Variants in KCNQ5 observed in about 807,000 individuals in gnomAD.
The protein encoded by KCNQ5 is potassium voltage-gated channel subfamily Q member 5.
KCNQ5 carries 30 observed loss-of-function variants against 98.2 expected under a neutral mutation model. The observed-to-expected ratio is 0.31, with a 90% CI of 0.23 to 0.41. The LOEUF (loss-of-function observed/expected upper bound fraction) is 0.41. Among genes scored for constraint, KCNQ5 ranks in the 10% least tolerant of loss-of-function variants. The pLI is 1.00. For synonymous variants in KCNQ5, 458 were observed against 449.4 expected (o/e 1.02, Z -0.24); for missense variants, 835 against 1,182.5 (o/e 0.71, Z 4.31).
intron 1 of KCNQ5, among the ~76,000 whole-genome samples, chr6:72,696,805 A>G (rs1331559587): frequency 6.6e-6 from 1 of 152,176 alleles, no homozygotes; most frequent in African/African-American, 2.4e-5. Flanking sequence ...ACTATATGAA[A>G]TTTATTTTTT....
At chr6:73,067,286 CT>C (rs1451489589) in intron 3 of KCNQ5, among the ~76,000 whole-genome samples, 2 of 152,066 alleles carry the variant, frequency 1.3e-5, no homozygotes, top group Non-Finnish European at 1.5e-5. Flanking sequence ...AGCTAAATGA[CT>C]TTGGATAAGA....
At position 73,192,717 on chromosome 6, in the gene KCNQ5, T is replaced by C. The variant is rs1480396167; in HGVS notation, c.1836+26T>C. On this transcript the variant is annotated intron_variant, in intron 13 of 13. Coordinates refer to ENST00000370398, the MANE Select transcript of KCNQ5 (RefSeq NM_019842.4). The stretch of plus-strand genomic sequence containing the variant: ...GTACAACTCAACTACGCTGGGTATC[T>C]TTTTAGCCAGAATTTTTTTAATCAA... The C allele has an allele frequency of 3.3e-6, 5 of 1,516,056 alleles. No homozygotes were observed. The South Asian group carries it at 4.1e-5, about 12-fold the overall frequency. The allele number at this position is 1,516,056 out of a possible 1,614,324, so 93.9% of individuals were successfully genotyped here.
In KCNQ5 at chr6:72,831,739, AAT is replaced by A. The variant is rs1491175953; in HGVS notation, c.399-172167_399-172166del. Among the ~76,000 whole-genome samples the A allele has an allele frequency of 7.5e-4, 98 of 130,998 alleles. 1 individual carries two copies. The highest frequency in any genetic ancestry group is 3.7e-3 in the Middle Eastern group (1 of 268). The allele number at this position is 130,998 out of a possible 152,430, so 85.9% of individuals were successfully genotyped here. A position where few individuals can be genotyped will look rare whatever the true frequency, so the allele number is the denominator to read the frequency against. ...AACTTAAAGTATAATTTAAAAAAAAAATAAAATAAAATTAACAGAAAAAAAAA... is the reference window on the plus strand; with the variant it reads ...AACTTAAAGTATAATTTAAAAAAAAAAAAATAAAATTAACAGAAAAAAAAA... On this transcript the variant is annotated intron_variant, in intron 1 of 13. Transcript: ENST00000370398.
intron 1 of KCNQ5, among the ~76,000 whole-genome samples, chr6:72,823,637 G>A (rs190804754): frequency 1.2e-3 from 184 of 152,188 alleles, no homozygotes; most frequent in Non-Finnish European, 2.3e-3. Flanking sequence ...GGGCTCACTC[G>A]GGTTCCTGAC....
At chr6:73,053,136 A>G (rs965749865) in intron 3 of KCNQ5, among the ~76,000 whole-genome samples, 5 of 152,224 alleles carry the variant, frequency 3.3e-5, no homozygotes, top group African/African-American at 9.6e-5. Flanking sequence ...AACAAAAATC[A>G]AAAAAGATAA....
chr6:72,786,728 C>T (rs577378273), intron 1 of KCNQ5, among the ~76,000 whole-genome samples: 6 of 152,246 alleles, frequency 3.9e-5, no homozygotes, highest in East Asian at 3.9e-4. Context: ...AATCCTGGGC[C>T]GGGCGCGGTG....
intron 1 of KCNQ5, among the ~76,000 whole-genome samples, chr6:72,935,064 CTTTTTTT>C (rs59215198): frequency 4.0e-5 from 4 of 99,226 alleles, no homozygotes; most frequent in Admixed American, 1.2e-4. Flanking sequence ...CTTGTTCTAT[CTTTTTTT>C]TTTTTTTTTT....
chr6:72,910,925 T>G (rs1779917568), intron 1 of KCNQ5, among the ~76,000 whole-genome samples: 2 of 152,084 alleles, frequency 1.3e-5, no homozygotes, highest in Non-Finnish European at 2.9e-5. Context: ...TTTTAGACAC[T>G]TGCAAGGGAG....
intron 1 of KCNQ5, among the ~76,000 whole-genome samples, chr6:72,878,064 A>T (rs1430682993): frequency 6.6e-6 from 1 of 152,198 alleles, no homozygotes; most frequent in Non-Finnish European, 1.5e-5. Context: ...TGAGGTCGGG[A>T]GTTCCAGACC....
intron 11 of KCNQ5, among the ~76,000 whole-genome samples, chr6:73,175,162 T>C (rs954713427): frequency 1.3e-5 from 2 of 152,072 alleles, no homozygotes; most frequent in Non-Finnish European, 2.9e-5. Flanking sequence ...GCAGTTTTTT[T>C]TTTTTGAAAC....
At chr6:72,639,066 T>C (rs1354474817) in intron 1 of KCNQ5, among the ~76,000 whole-genome samples, 1 of 152,174 alleles carries the variant, frequency 6.6e-6, no homozygotes, top group African/African-American at 2.4e-5. Flanking sequence ...TGTGGCCTGT[T>C]TGGGCTTTGG....
At chr6:73,120,260 A>G (rs1306453331) in intron 7 of KCNQ5, among the ~76,000 whole-genome samples, 1 of 152,016 alleles carries the variant, frequency 6.6e-6, no homozygotes, top group Non-Finnish European at 1.5e-5. Context: ...TAAATAAATA[A>G]TAAAATAAAA....
intron 1 of KCNQ5, among the ~76,000 whole-genome samples, chr6:72,702,421 T>C (rs1044852385): frequency 6.6e-6 from 1 of 152,198 alleles, no homozygotes; most frequent in Non-Finnish European, 1.5e-5. Flanking sequence ...ATACAAGGTT[T>C]TTTTTTCTTA....
At chr6:72,658,819 A>G (rs968897427) in intron 1 of KCNQ5, among the ~76,000 whole-genome samples, 4 of 152,010 alleles carry the variant, frequency 2.6e-5, no homozygotes, top group African/African-American at 7.2e-5. Context: ...AACTCAGGTA[A>G]TCCACCTGCC....
At chr6:72,827,560 AT>A (rs1776058922) in intron 1 of KCNQ5, among the ~76,000 whole-genome samples, 1 of 151,968 alleles carries the variant, frequency 6.6e-6, no homozygotes, top group African/African-American at 2.4e-5. Context: ...TAATTTGACC[AT>A]TTTTTACTCA....
At chr6:72,942,936 T>C (rs1053161868) in intron 1 of KCNQ5, among the ~76,000 whole-genome samples, 1 of 152,196 alleles carries the variant, frequency 6.6e-6, no homozygotes, top group African/African-American at 2.4e-5. Flanking sequence ...CTTGGCTAGA[T>C]TACACAAACT....
At chr6:72,863,763 G>T (rs985984711) in intron 1 of KCNQ5, among the ~76,000 whole-genome samples, 1 of 152,150 alleles carries the variant, frequency 6.6e-6, no homozygotes, top group Admixed American at 6.5e-5. Context: ...GTGTAAGGGT[G>T]TTTTATTTAT....
chr6:73,073,379 G>A (rs991368888), intron 3 of KCNQ5, among the ~76,000 whole-genome samples: 1 of 152,188 alleles, frequency 6.6e-6, no homozygotes, highest in Non-Finnish European at 1.5e-5. Context: ...ATTTGGGGCT[G>A]AGTCATTCTT....
At chr6:73,070,882 GC>G (rs1773274716) in intron 3 of KCNQ5, among the ~76,000 whole-genome samples, 1 of 152,146 alleles carries the variant, frequency 6.6e-6, no homozygotes, top group Non-Finnish European at 1.5e-5. Flanking sequence ...TAGACAGCTA[GC>G]TACCTTTACC....
Sources: gnomAD v4.1 joint callset for allele counts (sites outside exome capture counted in the v4.1 genomes callset) on GRCh38, gnomAD v4.1.1 for gene constraint, MANE v1.5 for transcripts, NCBI Gene and HGNC (gene_info 2026-07-23, HGNC 2026-07-21) for gene names.